LUZP2: variants seen among roughly 807,000 people sequenced by gnomAD.
LUZP2 encodes leucine zipper protein 2.
Under a neutral mutation model 51.6 loss-of-function variants are expected in LUZP2, and 52 were observed. That is an observed-to-expected ratio of 1.01 (90% CI 0.81 to 1.27). LUZP2 has a LOEUF of 1.27. LUZP2 is among the 50% of genes most tolerant of loss of function. The pLI is 0.00. For synonymous variants in LUZP2, 154 were observed against 137.3 expected, an observed-to-expected ratio of 1.12 and a Z score of -0.85; for missense variants, 436 against 395.4, an observed-to-expected ratio of 1.10 and a Z score of -0.87.
intron 5 of LUZP2, among the ~76,000 whole-genome samples, chr11:24,764,489 C>CAAAAAAAAAA (rs1565124723): frequency 0.013 from 720 of 56,260 alleles, 32 homozygotes; most frequent in African/African-American, 0.038. Flanking sequence ...AATCTCATCT[C>CAAAAAAAAAA]TAAAAAAAAA....
At chr11:25,017,175 C>A (rs1468207415) in intron 9 of LUZP2, among the ~76,000 whole-genome samples, 2 of 152,044 alleles carry the variant, frequency 1.3e-5, no homozygotes. Flanking sequence ...GGATATTAGT[C>A]CTATGACAGA....
intron 5 of LUZP2, among the ~76,000 whole-genome samples, chr11:24,806,969 T>G (rs1012710055): frequency 6.9e-6 from 1 of 145,862 alleles, no homozygotes. Flanking sequence ...AACATTTTTA[T>G]TAATCACATC....
intron 7 of LUZP2, among the ~76,000 whole-genome samples, chr11:24,948,866 T>TCTAC (rs1400902754): frequency 1.6e-4 from 24 of 148,694 alleles, no homozygotes; most frequent in African/African-American, 6.0e-4. Flanking sequence ...TATCTATCTA[T>TCTAC]CTACCTATCC....
intron 9 of LUZP2, among the ~76,000 whole-genome samples, chr11:24,995,925 T>A (rs1010342867): frequency 2.0e-5 from 3 of 151,782 alleles, no homozygotes; most frequent in African/African-American, 4.8e-5. Flanking sequence ...GACCCAATCT[T>A]TTTTTTCTAC....
At chr11:25,025,441 A>C (rs1857462714) in intron 9 of LUZP2, among the ~76,000 whole-genome samples, 2 of 152,192 alleles carry the variant, frequency 1.3e-5, no homozygotes, top group South Asian at 4.1e-4. Context: ...ATTTAAACAA[A>C]TTTACAAGAA....
chr11:24,696,870 T>A (rs1857265882), intron 1 of LUZP2, among the ~76,000 whole-genome samples: 1 of 152,040 alleles, frequency 6.6e-6, no homozygotes, highest in Non-Finnish European at 1.5e-5. Context: ...ATAATTCCCA[T>A]ACTGTTATCT....
intron 5 of LUZP2, among the ~76,000 whole-genome samples, chr11:24,856,554 C>T (rs912416349): frequency 1.6e-4 from 24 of 151,932 alleles, no homozygotes; most frequent in African/African-American, 4.1e-4. Context: ...AATTATCATT[C>T]GATCCAGGTA....
At chr11:24,807,024 C>CA (rs34565471) in intron 5 of LUZP2, among the ~76,000 whole-genome samples, 73,642 of 110,072 alleles carry the variant, frequency 0.67, 25,558 homozygotes, top group Non-Finnish European at 0.75. Context: ...GAAAATCCAC[C>CA]AAAAAAAAAA....
intron 1 of LUZP2, among the ~76,000 whole-genome samples, chr11:24,673,980 T>C (rs984536287): frequency 6.6e-6 from 1 of 152,220 alleles, no homozygotes; most frequent in Admixed American, 6.5e-5. Flanking sequence ...CCTCTGTGTT[T>C]TGAATTCTGA....
intron 5 of LUZP2, among the ~76,000 whole-genome samples, chr11:24,867,938 G>A (rs538557855): frequency 8.5e-4 from 130 of 152,136 alleles, no homozygotes; most frequent in African/African-American, 2.2e-3. Context: ...TAAAAACCTT[G>A]GATGATTTTT....
chr11:24,780,582 G>A (rs1849061994), intron 5 of LUZP2, among the ~76,000 whole-genome samples: 1 of 152,114 alleles, frequency 6.6e-6, no homozygotes, highest in South Asian at 2.1e-4. Context: ...TCATGATGAA[G>A]GTGATAATGA....
At position 24,731,819 on chromosome 11, in the gene LUZP2, A is replaced by C. The variant is rs1858723607; in HGVS notation, c.181-299A>C. Among the ~76,000 whole-genome samples, 7 of 151,822 alleles carry C rather than the reference A, an allele frequency of 4.6e-5. 1 individual carries two copies. In the South Asian group the frequency reaches 1.4e-3, roughly 31 times the overall value. On this transcript the variant is annotated intron_variant, in intron 2 of 11. Transcript: ENST00000336930. ...TGCAGAGAACACAGTAAAACTTCAA[A>C]GAATGAATAGAAGATATGTTTTTTA...
intron 7 of LUZP2, among the ~76,000 whole-genome samples, chr11:24,948,485 A>G (rs1384252114): frequency 3.3e-5 from 5 of 151,708 alleles, no homozygotes; most frequent in Non-Finnish European, 7.4e-5. Context: ...ATATGTATAG[A>G]GTCTGAAGAG....
chr11:24,560,129 A>T (rs1303189768), intron 1 of LUZP2, among the ~76,000 whole-genome samples: 2 of 152,148 alleles, frequency 1.3e-5, no homozygotes, highest in African/African-American at 2.4e-5. Context: ...GGTATGATTA[A>T]GGCTATGCAG....
intron 1 of LUZP2, among the ~76,000 whole-genome samples, chr11:24,570,788 C>T (rs1281401120): frequency 6.6e-6 from 1 of 151,900 alleles, no homozygotes; most frequent in Non-Finnish European, 1.5e-5. Context: ...AGGTGGAGTT[C>T]TAAATTTTCC....
intron 5 of LUZP2, among the ~76,000 whole-genome samples, chr11:24,844,938 G>T (rs543590805): frequency 6.6e-6 from 1 of 152,174 alleles, no homozygotes; most frequent in Non-Finnish European, 1.5e-5. Flanking sequence ...CTGCAGGGAT[G>T]GGGCCCTCAT....
intron 7 of LUZP2, among the ~76,000 whole-genome samples, chr11:24,962,221 G>A (rs1450143787): frequency 2.0e-5 from 3 of 152,128 alleles, no homozygotes; most frequent in South Asian, 2.1e-4. Context: ...TGACATTTAT[G>A]TGTCTTGGAG....
At chr11:24,835,684 G>A (rs1450158184) in intron 5 of LUZP2, among the ~76,000 whole-genome samples, 1 of 152,044 alleles carries the variant, frequency 6.6e-6, no homozygotes, top group Non-Finnish European at 1.5e-5. Flanking sequence ...CATGTTTCCT[G>A]ATGCCTATTT....
At chr11:24,785,028 C>T (rs1372629752) in intron 5 of LUZP2, among the ~76,000 whole-genome samples, 2 of 151,932 alleles carry the variant, frequency 1.3e-5, no homozygotes, top group African/African-American at 2.4e-5. Flanking sequence ...AAGTGTGAAG[C>T]CCCATTCATA....
Sources: gnomAD v4.1 joint callset for allele counts (sites outside exome capture counted in the v4.1 genomes callset) on GRCh38, gnomAD v4.1.1 for gene constraint, MANE v1.5 for transcripts, NCBI Gene and HGNC (gene_info 2026-07-23, HGNC 2026-07-21) for gene names.